The following PAN3 variants were observed in gnomAD, a reference collection of about 807,000 sequenced individuals.
PAN3 encodes the protein poly(A) specific ribonuclease subunit PAN3.
Under a neutral mutation model 96.2 loss-of-function variants are expected in PAN3, and 19 were observed. That is an observed-to-expected ratio of 0.20 (90% CI 0.14 to 0.29). The LOEUF is 0.29. Ranked by LOEUF, PAN3 falls within the 10% of genes least tolerant of loss-of-function variation. The pLI, the probability that PAN3 is intolerant of heterozygous loss-of-function variation, is 1.00. For synonymous variants in PAN3, 433 were observed against 406.6 expected (o/e 1.06, Z -0.78); for missense variants, 882 against 1,108.1 (o/e 0.80, Z 2.90).
intron 1 of PAN3, among the ~76,000 whole-genome samples, chr13:28,163,045 C>T (rs1873082580): frequency 6.6e-6 from 1 of 151,660 alleles, no homozygotes. Flanking sequence ...CACTTGAGCC[C>T]AGGAAGTTTT....
intron 6 of PAN3, among the ~76,000 whole-genome samples, chr13:28,230,343 A>G (rs1882411121): frequency 6.6e-6 from 1 of 152,132 alleles, no homozygotes. Flanking sequence ...AGTTTTTCAA[A>G]ATACTTAGGA....
intron 1 of PAN3, among the ~76,000 whole-genome samples, chr13:28,152,202 T>C (rs1330413223): frequency 1.3e-5 from 2 of 152,094 alleles, no homozygotes; most frequent in Non-Finnish European, 2.9e-5. Flanking sequence ...ATTTGACAGG[T>C]TAAAACTAGC....
chr13:28,244,538 A>G (rs1883993180), intron 6 of PAN3, among the ~76,000 whole-genome samples: 1 of 152,104 alleles, frequency 6.6e-6, no homozygotes, highest in Admixed American at 6.5e-5. Flanking sequence ...ATAAAGTATA[A>G]CCTTTATGTT....
At chr13:28,224,832 C>T (rs779858818) in intron 6 of PAN3, among the ~76,000 whole-genome samples, 25 of 152,046 alleles carry the variant, frequency 1.6e-4, no homozygotes, top group Non-Finnish European at 2.2e-4. Flanking sequence ...CTATATTTTC[C>T]AGGCTGGTCT....
intron 5 of PAN3, among the ~76,000 whole-genome samples, chr13:28,207,302 T>A (rs1879492059): frequency 2.0e-5 from 3 of 152,214 alleles, no homozygotes; most frequent in Admixed American, 2.0e-4. Flanking sequence ...TTTACTCTGT[T>A]AGTTATAATG....
chr13:28,246,199 T>A (rs576782400), intron 6 of PAN3, among the ~76,000 whole-genome samples: 1 of 152,244 alleles, frequency 6.6e-6, no homozygotes, highest in African/African-American at 2.4e-5. Context: ...TATGTGTTCT[T>A]TGGAAAAAAA....
chr13:28,197,266 G>C lies in PAN3; in HGVS notation c.772G>C (p.Gly258Arg). Residue 258 changes from glycine (G) to arginine (R), a missense_variant, in exon 5 of 19, where the codon GGC becomes CGC. Around this residue, in one of 3 missense-constraint regions of PAN3, gnomAD observed 442 missense variants for 422.8 expected, o/e 1.05. Transcript: ENST00000380958. Reference sequence around the variant, plus strand: ...GGCACGAAAAGCAAAGAACCCTATTGGCTGCCTTGCTGACAGGTGTAAATC... The same window carrying C: ...GGCACGAAAAGCAAAGAACCCTATTCGCTGCCTTGCTGACAGGTGTAAATC... ...SKARKAKNPI[G>R]CLADRCKSGV... 2 of 1,613,026 alleles carry C rather than the reference G, an allele frequency of 1.2e-6. No homozygotes were observed. The highest frequency in any genetic ancestry group is 1.7e-6 in the Non-Finnish European group (2 of 1,179,496).
intron 5 of PAN3, among the ~76,000 whole-genome samples, chr13:28,204,070 A>G (rs537243842): frequency 6.6e-6 from 1 of 152,152 alleles, no homozygotes; most frequent in South Asian, 2.1e-4. Flanking sequence ...TGGCCTCCCA[A>G]AGTGCTGGGA....
At chr13:28,142,499 A>C (rs999736822) in intron 1 of PAN3, among the ~76,000 whole-genome samples, 1 of 144,134 alleles carries the variant, frequency 6.9e-6, no homozygotes, top group African/African-American at 2.9e-5. Context: ...GAGGCAGTTA[A>C]AATAGATGGC....
chr13:28,167,839 CA>C (rs1873792899), intron 1 of PAN3, among the ~76,000 whole-genome samples: 1 of 151,984 alleles, frequency 6.6e-6, no homozygotes, highest in African/African-American at 2.4e-5. Context: ...GACCCTGCTT[CA>C]AAAAACAAAA....
At position 28,219,617 on chromosome 13, in the gene PAN3, T is replaced by C. The variant is rs185322452; in HGVS notation, c.853-614T>C. ...TAGTACCACTGTGAAAAAGGTGTTTTCCGTGTAATCTCATAGCCAAATATT... is the reference window on the plus strand; with the variant it reads ...TAGTACCACTGTGAAAAAGGTGTTTCCCGTGTAATCTCATAGCCAAATATT... On this transcript the variant is annotated intron_variant, in intron 5 of 18. Coordinates refer to ENST00000380958, the MANE Select transcript of PAN3 (RefSeq NM_175854.8). Among the ~76,000 whole-genome samples, 319 of 152,346 alleles carry C rather than the reference T, an allele frequency of 2.1e-3. 4 individuals are homozygous for C. The highest frequency in any genetic ancestry group is 5.3e-4 in the Non-Finnish European group (36 of 68,020).
intron 2 of PAN3, among the ~76,000 whole-genome samples, chr13:28,174,816 T>A (rs1170939652): frequency 1.3e-5 from 2 of 152,230 alleles, no homozygotes; most frequent in Non-Finnish European, 2.9e-5. Flanking sequence ...CATTACTGGT[T>A]ACAAGTTTCC....
chr13:28,261,323 T>G, intron 8 of PAN3, 78 bp from the exon 9 acceptor site: 1 of 984,700 alleles, frequency 1.0e-6, no homozygotes, highest in Non-Finnish European at 1.5e-6. Flanking sequence ...TATTAATACT[T>G]AGGTTATTTA....
chr13:28,286,745 T>C (rs939244684), intron 17 of PAN3, among the ~76,000 whole-genome samples: 20 of 152,228 alleles, frequency 1.3e-4, no homozygotes, highest in African/African-American at 4.8e-4. Context: ...TTTGATGGGC[T>C]GTTGAAAGGG....
At chr13:28,187,191 G>A (rs930935224) in intron 4 of PAN3, among the ~76,000 whole-genome samples, 1 of 151,404 alleles carries the variant, frequency 6.6e-6, no homozygotes, top group South Asian at 2.1e-4. Context: ...GCTTGACTTG[G>A]TGGTGCACGC....
At chr13:28,287,855 T>C in intron 17 of PAN3, 129 bp from the exon 18 acceptor site, 3 of 765,190 alleles carry the variant, frequency 3.9e-6, no homozygotes, top group Non-Finnish European at 5.9e-6. Flanking sequence ...TTAAAAACAC[T>C]GTACCAGACT....
At chr13:28,194,466 A>ATTTTT (rs1284832933) in intron 4 of PAN3, among the ~76,000 whole-genome samples, 11 of 122,130 alleles carry the variant, frequency 9.0e-5, no homozygotes, top group African/African-American at 2.9e-4. Context: ...ATATATATAT[A>ATTTTT]TTTTTTTTTT....
chr13:28,270,803 A>G lies in PAN3; in HGVS notation c.1895A>G (p.His632Arg). The change falls in exon 13 of 19, where the codon CAT becomes CGT. Residue 632 changes from histidine (H) to arginine (R), a missense_variant. Physicochemically the swap from His to Arg is conservative, Grantham distance 29. Transcript: ENST00000380958. ...CTAAGTTCTGCATTGCGTACCATTCATACAGCAGGTTTGGCATGTCGAGTT... is the reference window on the plus strand; with the variant it reads ...CTAAGTTCTGCATTGCGTACCATTCGTACAGCAGGTTTGGCATGTCGAGTT... ...VQLSSALRTI[H>R]TAGLACRVMD... 2 of 1,614,014 alleles carry G rather than the reference A, an allele frequency of 1.2e-6. No individual in the cohort carries two copies. Among genetic ancestry groups the G allele is most frequent in the Non-Finnish European group, 8.5e-7 (1 of 1,179,876 alleles).
Position 28,155,112 on chromosome 13 carries a change from G to A in PAN3, c.430+16025G>A, listed in dbSNP as rs558797346. Among the ~76,000 whole-genome samples the A allele has an allele frequency of 3.1e-3, 476 of 151,462 alleles. 3 individuals are homozygous for A. The highest frequency in any genetic ancestry group is 0.011 in the African/African-American group (450 of 41,336). On this transcript the variant is annotated intron_variant, in intron 1 of 18. Coordinates refer to ENST00000380958, the MANE Select transcript of PAN3 (RefSeq NM_175854.8). The stretch of plus-strand genomic sequence containing the variant: ...ACTACAGGCGTGAGCCACCGCGCAC[G>A]GCGACTTTGCGGTTTTTAAAACAAT...
Sources: gnomAD v4.1 joint callset for allele counts (sites outside exome capture counted in the v4.1 genomes callset) on GRCh38, gnomAD v4.1.1 for gene constraint, gnomAD v4.1.1 regional missense constraint, MANE v1.5 for transcripts, NCBI Gene and HGNC (gene_info 2026-07-23, HGNC 2026-07-21) for gene names.